The following TAF3 variants were observed in gnomAD, a reference collection of about 807,000 sequenced individuals.
TAF3 encodes transcription initiation factor TFIID subunit 3.
TAF3 carries 7 observed loss-of-function variants against 80.6 expected under a neutral mutation model. That is an observed-to-expected ratio of 0.09 (90% confidence interval 0.05 to 0.16). The LOEUF (loss-of-function observed/expected upper bound fraction) is 0.16. TAF3 is among the 10% of genes least tolerant of loss of function. The pLI is 1.00. For synonymous variants in TAF3, 444 were observed against 446.1 expected, an observed-to-expected ratio of 1.00 and a Z score of 0.06; for missense variants, 921 against 1,140.2, an observed-to-expected ratio of 0.81 and a Z score of 2.77.
At position 7,963,918 on chromosome 10, in the gene TAF3, A is replaced by G. The variant is rs553036847; in HGVS notation, c.410-2A>G. ...TTTTCTTCCTTTTTCTTCCTTTACC[A>G]GAAGAAGAAGAAGAGCAGGTGCCCA... On this transcript the variant is annotated splice_acceptor_variant, in intron 2 of 6. Transcript: ENST00000344293. LOFTEE classifies it high-confidence loss of function. 4 of 1,489,030 alleles carry G rather than the reference A, an allele frequency of 2.7e-6. No homozygotes were observed. The South Asian group carries it at 5.8e-5, about 21-fold the overall frequency. 92.2% of individuals were successfully genotyped at this position (1,489,030 alleles called of 1,614,324 possible). A position where few individuals can be genotyped will look rare whatever the true frequency, so the allele number is the denominator to read the frequency against.
At chr10:8,007,391 A>G (rs963276751) in intron 4 of TAF3, among the ~76,000 whole-genome samples, 2 of 151,712 alleles carry the variant, frequency 1.3e-5, no homozygotes, top group African/African-American at 4.8e-5. Context: ...AAAGGTACAG[A>G]GAAAAAAACA....
intron 4 of TAF3, among the ~76,000 whole-genome samples, chr10:7,989,379 A>G (rs1446507356): frequency 6.6e-6 from 1 of 152,242 alleles, no homozygotes; most frequent in Non-Finnish European, 1.5e-5. Flanking sequence ...CCCTGAGCCT[A>G]GACCTCTGGT....
chr10:7,849,002 A>G (rs1408227255), intron 2 of TAF3, among the ~76,000 whole-genome samples: 2 of 152,192 alleles, frequency 1.3e-5, no homozygotes, highest in Non-Finnish European at 2.9e-5. Flanking sequence ...GGTAGTAACA[A>G]AGGGAAATAA....
At position 8,013,742 on chromosome 10, in the gene TAF3, G is replaced by A; in HGVS notation, c.2580G>A (p.Glu860=). ...TTTGCAAACATCAGATCCGAGATGA[G>A]TGGGGCAATCAGATCTGGATCTGCC... The part of the protein sequence containing the change: ...ETVSTYVIRD[E]WGNQIWICPG... Residue 860 remains glutamate, a synonymous_variant, in exon 6 of 7, where the codon GAG becomes GAA. Coordinates refer to ENST00000344293, the MANE Select transcript of TAF3 (RefSeq NM_031923.4). 6.2e-7 allele frequency: 1 copy of A among 1,614,014 alleles called. No individual in the cohort carries two copies. Among genetic ancestry groups the A allele is most frequent in the Non-Finnish European group, 8.5e-7 (1 of 1,179,976 alleles).
At chr10:7,906,074 CTT>C (rs1837606217) in intron 2 of TAF3, among the ~76,000 whole-genome samples, 1 of 152,178 alleles carries the variant, frequency 6.6e-6, no homozygotes, top group Non-Finnish European at 1.5e-5. Flanking sequence ...GTGGATAACA[CTT>C]GATGCTATGA....
At chr10:7,926,265 CT>C (rs199956734) in intron 2 of TAF3, among the ~76,000 whole-genome samples, 3 of 151,500 alleles carry the variant, frequency 2.0e-5, no homozygotes, top group Non-Finnish European at 2.9e-5. Context: ...ATATATCAAA[CT>C]TTTTTTTTAT....
intron 4 of TAF3, among the ~76,000 whole-genome samples, 182 bp from the exon 5 acceptor site, chr10:8,008,896 T>C (rs1296286096): frequency 6.6e-6 from 1 of 152,212 alleles, no homozygotes; most frequent in Non-Finnish European, 1.5e-5. Context: ...AATGAAAAAT[T>C]CGTCTGAGTA....
intron 3 of TAF3, among the ~76,000 whole-genome samples, chr10:7,970,462 G>A (rs1831611933): frequency 6.6e-6 from 1 of 152,202 alleles, no homozygotes. Flanking sequence ...GGGGGCCCAG[G>A]CCTGTCTGCC....
intron 2 of TAF3, among the ~76,000 whole-genome samples, chr10:7,845,005 G>A (rs1007940855): frequency 2.0e-5 from 3 of 152,070 alleles, no homozygotes; most frequent in Non-Finnish European, 2.9e-5. Flanking sequence ...CAGGGTAGAA[G>A]TTTTTAGGTC....
chr10:7,886,113 G>A (rs140420306), intron 2 of TAF3, among the ~76,000 whole-genome samples: 1 of 152,164 alleles, frequency 6.6e-6, no homozygotes, highest in African/African-American at 2.4e-5. Flanking sequence ...TTGTAGAGAT[G>A]TGGGGGGGTC....
intron 2 of TAF3, among the ~76,000 whole-genome samples, chr10:7,864,568 A>T (rs1284323060): frequency 6.6e-6 from 1 of 152,148 alleles, no homozygotes; most frequent in African/African-American, 2.4e-5. Flanking sequence ...TGTGTCCTTC[A>T]TGTACAGGTT....
In TAF3 at chr10:7,965,445, T is replaced by G. The variant is rs764069156; in HGVS notation, c.1935T>G (p.Asp645Glu). ...AAGTGAAAGATAAAGGCAGAGAAGATAAGATGAAAGCCCCAGCACCCCCAC... is the reference window on the plus strand; with the variant it reads ...AAGTGAAAGATAAAGGCAGAGAAGAGAAGATGAAAGCCCCAGCACCCCCAC... ...KEKVKDKGRE[D>E]KMKAPAPPLV... Residue 645 changes from aspartate (D) to glutamate (E), a missense_variant, in exon 3 of 7, where the codon GAT becomes GAG. Transcript: ENST00000344293. 26 of 1,613,140 alleles carry G rather than the reference T, an allele frequency of 1.6e-5. No individual in the cohort carries two copies. Among genetic ancestry groups the G allele is most frequent in the Non-Finnish European group, 2.2e-5 (26 of 1,179,846 alleles).
chr10:7,844,981 T>G (rs1836955351), intron 2 of TAF3, among the ~76,000 whole-genome samples: 1 of 152,222 alleles, frequency 6.6e-6, no homozygotes, highest in African/African-American at 2.4e-5. Flanking sequence ...TATTATTTCC[T>G]TATGATAAAT....
chr10:7,932,542 CCAGT>C (rs1837877398), intron 2 of TAF3, among the ~76,000 whole-genome samples: 1 of 152,066 alleles, frequency 6.6e-6, no homozygotes, highest in African/African-American at 2.4e-5. Context: ...ACCAGAATCA[CCAGT>C]CAAAACAAAG....
chr10:7,825,650 T>C (rs1486813730), intron 2 of TAF3, among the ~76,000 whole-genome samples: 1 of 152,250 alleles, frequency 6.6e-6, no homozygotes, highest in Non-Finnish European at 1.5e-5. Context: ...TCATTCATGT[T>C]GTAGCCTGTG....
intron 1 of TAF3, among the ~76,000 whole-genome samples, chr10:7,820,920 C>T (rs1467664675): frequency 6.6e-6 from 1 of 152,194 alleles, no homozygotes; most frequent in African/African-American, 2.4e-5. Context: ...TGCAGTGGTC[C>T]TTGAGTATAC....
intron 2 of TAF3, among the ~76,000 whole-genome samples, chr10:7,858,974 A>G (rs1195732332): frequency 1.3e-5 from 2 of 152,040 alleles, no homozygotes; most frequent in African/African-American, 2.4e-5. Flanking sequence ...TTTCTAGAAC[A>G]CCTTATTGAA....
intron 2 of TAF3, among the ~76,000 whole-genome samples, chr10:7,957,792 G>T (rs377628932): frequency 3.0e-5 from 4 of 134,288 alleles, no homozygotes; most frequent in East Asian, 2.2e-4. Context: ...TCTCTCTAGC[G>T]CGCTCTCTCT....
intron 2 of TAF3, among the ~76,000 whole-genome samples, chr10:7,953,043 A>G (rs147394868): frequency 1.3e-5 from 2 of 152,066 alleles, no homozygotes; most frequent in East Asian, 3.9e-4. Context: ...CTGTTTTCCT[A>G]TTATTTCCTG....
Sources: gnomAD v4.1 joint callset for allele counts (sites outside exome capture counted in the v4.1 genomes callset) on GRCh38, gnomAD v4.1.1 for gene constraint, MANE v1.5 for transcripts, NCBI Gene and HGNC (gene_info 2026-07-23, HGNC 2026-07-21) for gene names.